COMMD1: variants seen among roughly 807,000 people sequenced by gnomAD.
COMMD1 encodes copper metabolism domain containing 1, also known as COMM domain-containing protein 1.
Under a neutral mutation model 17.2 loss-of-function variants are expected in COMMD1, and 10 were observed. The observed-to-expected ratio is 0.58, with a 90% confidence interval of 0.36 to 0.99. COMMD1 has a LOEUF of 0.99. Among genes scored for constraint, COMMD1 ranks in the 50% least tolerant of loss-of-function variants. COMMD1 has a pLI of 0.01. For synonymous variants in COMMD1, 97 were observed against 91.6 expected, an observed-to-expected ratio of 1.06 and a Z score of -0.34; for missense variants, 270 against 231.8, an observed-to-expected ratio of 1.17 and a Z score of -1.07.
At chr2:61,932,805 T>A (rs951667272) in intron 1 of COMMD1, among the ~76,000 whole-genome samples, 3 of 152,172 alleles carry the variant, frequency 2.0e-5, no homozygotes, top group African/African-American at 7.2e-5. Context: ...AGCAGCCCAG[T>A]TGATCCTCTC....
intron 2 of COMMD1, among the ~76,000 whole-genome samples, chr2:62,123,457 A>G (rs1672801989): frequency 6.7e-6 from 1 of 148,818 alleles, no homozygotes; most frequent in African/African-American, 2.5e-5. Flanking sequence ...GTGAGCCAAG[A>G]TTGCACCACT....
At chr2:62,021,510 A>G (rs1669613990) in intron 2 of COMMD1, among the ~76,000 whole-genome samples, 4 of 152,096 alleles carry the variant, frequency 2.6e-5, no homozygotes, top group Admixed American at 2.6e-4. Context: ...GGGGTCAAAG[A>G]CAGATTGGAG....
At chr2:61,966,896 G>A (rs1315796293) in intron 1 of COMMD1, among the ~76,000 whole-genome samples, 1 of 152,002 alleles carries the variant, frequency 6.6e-6, no homozygotes, top group Non-Finnish European at 1.5e-5. Flanking sequence ...GAAGACCCGG[G>A]CATACACAAC....
chr2:61,906,768 G>A (rs1669784176), intron 1 of COMMD1, among the ~76,000 whole-genome samples: 1 of 152,008 alleles, frequency 6.6e-6, no homozygotes, highest in East Asian at 1.9e-4. Context: ...TTATATAGTG[G>A]ACACCCATGG....
chr2:62,076,746 C>G (rs1487440975), intron 2 of COMMD1, among the ~76,000 whole-genome samples: 1 of 151,870 alleles, frequency 6.6e-6, no homozygotes. Context: ...GACTCCATCT[C>G]AAAAATAAAG....
intron 2 of COMMD1, among the ~76,000 whole-genome samples, chr2:62,023,212 G>A (rs184150250): frequency 1.6e-4 from 24 of 147,690 alleles, no homozygotes; most frequent in Non-Finnish European, 3.3e-4. Context: ...GGCAACAAGA[G>A]CAAAACTCTG....
chr2:62,103,096 A>C lies in COMMD1; in HGVS notation c.463-32735A>C, dbSNP rs537538818. Among the ~76,000 whole-genome samples the C allele has an allele frequency of 5.3e-5, 8 of 151,008 alleles. No homozygotes were observed. The South Asian group carries it at 8.4e-4, about 16-fold the overall frequency. ...TGGGTTCAGGCCATTCTCCTGCCTC[A>C]GCCTCCAGAGAAGCTGGGACTACAG... On this transcript the variant is annotated intron_variant, in intron 2 of 2. Transcript: ENST00000311832.
At chr2:62,042,773 A>T (rs551586487) in intron 2 of COMMD1, among the ~76,000 whole-genome samples, 1 of 152,332 alleles carries the variant, frequency 6.6e-6, no homozygotes, top group African/African-American at 2.4e-5. Flanking sequence ...GACTACAAGC[A>T]TAAGCCACCA....
chr2:62,047,472 C>CT (rs113295193), intron 2 of COMMD1, among the ~76,000 whole-genome samples: 7,660 of 147,156 alleles, frequency 0.052, 663 homozygotes, highest in African/African-American at 0.18. Context: ...TTCTTCCTTT[C>CT]TTTTTTTTTT....
chr2:61,982,512 G>T (rs1671982259), intron 1 of COMMD1, among the ~76,000 whole-genome samples: 1 of 152,112 alleles, frequency 6.6e-6, no homozygotes, highest in African/African-American at 2.4e-5. Context: ...AAGACTTTCA[G>T]TATTATGTTG....
At chr2:62,054,787 C>T (rs1670642988) in intron 2 of COMMD1, among the ~76,000 whole-genome samples, 1 of 151,990 alleles carries the variant, frequency 6.6e-6, no homozygotes, top group South Asian at 2.1e-4. Flanking sequence ...TGATGGATAC[C>T]CTAAAAGCCG....
intron 1 of COMMD1, among the ~76,000 whole-genome samples, chr2:61,891,979 C>A (rs1669443137): frequency 6.6e-6 from 1 of 151,176 alleles, no homozygotes; most frequent in African/African-American, 2.4e-5. Flanking sequence ...CTACAGGCGC[C>A]CACCACCAAG....
chr2:62,012,960 G>C (rs1384844305), intron 2 of COMMD1, among the ~76,000 whole-genome samples: 1 of 152,134 alleles, frequency 6.6e-6, no homozygotes, highest in African/African-American at 2.4e-5. Flanking sequence ...AGATCTGGGG[G>C]CACAAAATAC....
chr2:61,995,094 T>TA (rs1012931417), intron 1 of COMMD1, among the ~76,000 whole-genome samples: 3 of 25,798 alleles, frequency 1.2e-4, no homozygotes, highest in South Asian at 4.3e-3. Context: ...AGATTCAGCT[T>TA]AAAATTTTTT....
chr2:62,091,123 C>T (rs1671814663), intron 2 of COMMD1, among the ~76,000 whole-genome samples: 1 of 152,080 alleles, frequency 6.6e-6, no homozygotes, highest in African/African-American at 2.4e-5. Flanking sequence ...GACATGAGCC[C>T]GTGTTGGGTA....
At chr2:62,047,753 G>A (rs921571334) in intron 2 of COMMD1, among the ~76,000 whole-genome samples, 3 of 152,012 alleles carry the variant, frequency 2.0e-5, no homozygotes, top group South Asian at 2.1e-4. Flanking sequence ...TCGCCTGGCC[G>A]GTAAATGCCC....
intron 2 of COMMD1, among the ~76,000 whole-genome samples, chr2:62,050,932 CA>C (rs1195404870): frequency 6.6e-6 from 1 of 152,006 alleles, no homozygotes; most frequent in Admixed American, 6.6e-5. Context: ...TTAAAATTGG[CA>C]GCTTTTTGAC....
chr2:62,066,467 G>A (rs1326609404), intron 2 of COMMD1, among the ~76,000 whole-genome samples: 3 of 145,370 alleles, frequency 2.1e-5, no homozygotes, highest in Admixed American at 7.1e-5. Context: ...ATGGAGTCTC[G>A]CTCTGTCACC....
intron 2 of COMMD1, among the ~76,000 whole-genome samples, chr2:62,126,604 T>G (rs1672894378): frequency 6.6e-6 from 1 of 152,246 alleles, no homozygotes; most frequent in African/African-American, 2.4e-5. Flanking sequence ...TTGCCCACTT[T>G]TTAATGGGTT....
Sources: gnomAD v4.1 joint callset for allele counts (sites outside exome capture counted in the v4.1 genomes callset) on GRCh38, gnomAD v4.1.1 for gene constraint, MANE v1.5 for transcripts, NCBI Gene and HGNC (gene_info 2026-07-23, HGNC 2026-07-21) for gene names.